The following MYRF variants were observed in gnomAD, a reference collection of about 807,000 sequenced individuals.
MYRF encodes the protein myelin regulatory factor, also known as myelin gene regulatory factor.
Under a neutral mutation model 126.3 loss-of-function variants are expected in MYRF, and 16 were observed. That is an observed-to-expected ratio of 0.13 (90% confidence interval 0.09 to 0.19). MYRF has a LOEUF of 0.19. Among genes scored for constraint, MYRF ranks in the 10% least tolerant of loss-of-function variants. MYRF has a pLI of 1.00. For missense variants in MYRF, 1,104 were observed against 1,547.0 expected (o/e 0.71, Z 4.80); for synonymous variants, 608 against 635.3 (o/e 0.96, Z 0.65).
In MYRF at chr11:61,779,433, C is replaced by T. The variant is rs377452062; in HGVS notation, c.2174+10C>T. The T allele has an allele frequency of 1.5e-5, 23 of 1,550,442 alleles. No individual in the cohort carries two copies. Among genetic ancestry groups the T allele is most frequent in the Admixed American group, 9.8e-5 (5 of 50,916 alleles). On this transcript the variant is annotated intron_variant, in intron 15 of 26. Coordinates refer to ENST00000278836, the MANE Select transcript of MYRF (RefSeq NM_001127392.3). ...GCTCGGGCGCCTTCAGGTAGGGGTGCGGGGTGGGGGAAGGTGAGACCCTTC... is the reference window on the plus strand; with the variant it reads ...GCTCGGGCGCCTTCAGGTAGGGGTGTGGGGTGGGGGAAGGTGAGACCCTTC...
At chr11:61,780,568 G>C in intron 18 of MYRF, 144 bp from the exon 19 acceptor site, 1 of 835,286 alleles carries the variant, frequency 1.2e-6, no homozygotes, top group Non-Finnish European at 1.9e-6. Context: ...GTTGGAACAT[G>C]GGGTAGGAGG....
intron 3 of MYRF, chr11:61,767,067 A>T (rs1367479025): frequency 8.8e-6 from 4 of 456,614 alleles, no homozygotes; most frequent in Non-Finnish European, 1.3e-5. Context: ...CGTGGGAAGC[A>T]ACAAGGGCAC....
In MYRF at chr11:61,770,235, C is replaced by A; in HGVS notation, c.461-11C>A. ...TGGTCTCAGATGCCCGCTCCCCCAT[C>A]TCTCCTGCAGAGCCCCACCTCCTGC... is the stretch of plus-strand genomic sequence containing the variant. On this transcript the variant is annotated splice_polypyrimidine_tract_variant and intron_variant, in intron 4 of 26. Transcript: ENST00000278836. The A allele has an allele frequency of 1.3e-6, 2 of 1,590,742 alleles. No homozygotes were observed. The highest frequency in any genetic ancestry group is 1.7e-6 in the Non-Finnish European group (2 of 1,169,206).
Position 61,777,444 on chromosome 11 carries a change from G to T in MYRF, c.1771G>T (p.Ala591Ser). The T allele has an allele frequency of 1.2e-6, 2 of 1,611,892 alleles. No homozygotes were observed. The highest frequency in any genetic ancestry group is 2.2e-5 in the South Asian group (2 of 90,852). ...GCTTATGCACCCCTCCGACCTGCGC[G>T]CCAAGGAACACGTGCAGGAGGTGGG... ...GSLMHPSDLR[A>S]KEHVQEVDTT... The change falls in exon 12 of 27, where the codon GCC (alanine) becomes TCC (serine). Residue 591 changes from alanine (A) to serine (S), a missense_variant. Transcript: ENST00000278836. The surrounding 1 kb of genome is among the most constrained non-coding windows in gnomAD (Gnocchi z 8.8).
In MYRF at chr11:61,770,544, G is replaced by T; in HGVS notation, c.740+19G>T. The T allele has an allele frequency of 1.3e-6, 2 of 1,536,404 alleles. No homozygotes were observed. Among genetic ancestry groups the T allele is most frequent in the Non-Finnish European group, 1.8e-6 (2 of 1,137,918 alleles). On this transcript the variant is annotated intron_variant, in intron 5 of 26. Transcript: ENST00000278836. ...GAGCTGAGTAAGACGTGGGTGGCTG[G>T]CTCCATGGGGTGGGAAGGTGGGGTA...
rs190339585 is a variant in MYRF at position 61,773,925 on chromosome 11, G to A, written c.1116-42G>A. Reference sequence around the variant, plus strand: ...TAGGAGGAACCGATGTTCCAGGCCCGGCTCTGGGGCCTCAGGGGAGTGCCC... The same window carrying A: ...TAGGAGGAACCGATGTTCCAGGCCCAGCTCTGGGGCCTCAGGGGAGTGCCC... On this transcript the variant is annotated intron_variant, in intron 7 of 26. Transcript: ENST00000278836. 3.8e-4 allele frequency: 591 copies of A among 1,544,814 alleles called. 1 individual carries two copies. In the African/African-American group the frequency reaches 4.9e-3, roughly 13 times the overall value.
In MYRF at chr11:61,778,455, G is replaced by A; in HGVS notation, c.1979G>A (p.Gly660Glu). The A allele has an allele frequency of 6.2e-7, 1 of 1,614,066 alleles. No individual in the cohort carries two copies. Among genetic ancestry groups the A allele is most frequent in the Non-Finnish European group, 8.5e-7 (1 of 1,179,948 alleles). ...KDTGDMVFAN[G>E]KTIENFLVVN... ...ACCGGAGACATGGTCTTTGCCAATG[G>A]GAAAACCATAGAGAACTTCCTGGTG... Residue 660 changes from glycine (G) to glutamate (E), a missense_variant, in exon 14 of 27, where the codon GGG (glycine) becomes GAG (glutamate). Physicochemically the swap from Gly to Glu is moderately conservative, Grantham distance 98. Around this residue, in one of 10 missense-constraint regions of MYRF, gnomAD observed 123 missense variants for 209.1 expected, o/e 0.59. Coordinates refer to ENST00000278836, the MANE Select transcript of MYRF (RefSeq NM_001127392.3). The surrounding 1 kb of genome is among the most constrained non-coding windows in gnomAD (Gnocchi z 4.6).
chr11:61,780,987 G>A lies in MYRF; in HGVS notation c.2514G>A (p.Gln838=). 6.2e-7 allele frequency: 1 copy of A among 1,610,122 alleles called. No homozygotes were observed. Among genetic ancestry groups the A allele is most frequent in the Non-Finnish European group, 8.5e-7 (1 of 1,179,996 alleles). ...CCAGCCAGAGCTTTGGGACCACGCA[G>A]CTCCGACAGTCCCCCTTGACCACGG... The part of the protein sequence containing the change: ...PWSSQSFGTT[Q]LRQSPLTTGL... The change falls in exon 20 of 27, where the codon CAG becomes CAA. Residue 838 remains glutamine (Q), a synonymous_variant. Transcript: ENST00000278836.
In MYRF at chr11:61,783,536, A is replaced by G; in HGVS notation, c.3055A>G (p.Ile1019Val). 1 of 1,613,848 alleles carries G rather than the reference A, an allele frequency of 6.2e-7. No individual in the cohort carries two copies. Among genetic ancestry groups the G allele is most frequent in the Non-Finnish European group, 8.5e-7 (1 of 1,179,980 alleles). The change falls in exon 23 of 27, where the codon ATC (isoleucine) becomes GTC (valine). Residue 1019 changes from isoleucine (I) to valine (V), a missense_variant. Transcript: ENST00000278836. The surrounding 1 kb of genome is among the most constrained non-coding windows in gnomAD (Gnocchi z 4.6). ...LAEPVPSLTS[I>V]QVLENSMSIT... ...AGAGCCAGTGCCCTCCCTGACCTCC[A>G]TCCAGGTGCTGGAGAATTCGATGTC... is the stretch of plus-strand genomic sequence containing the variant.
Position 61,779,430 on chromosome 11 carries a change from G to T in MYRF, c.2174+7G>T, listed in dbSNP as rs1236660097. ...GCAGCTCGGGCGCCTTCAGGTAGGG[G>T]TGCGGGGTGGGGGAAGGTGAGACCC... is the stretch of plus-strand genomic sequence containing the variant. On this transcript the variant is annotated splice_region_variant and intron_variant, in intron 15 of 26. Transcript: ENST00000278836. 6.4e-7 allele frequency: 1 copy of T among 1,551,068 alleles called. No individual in the cohort carries two copies. The highest frequency in any genetic ancestry group is 2.0e-5 in the Admixed American group (1 of 50,978).
In MYRF at chr11:61,770,507, T is replaced by C; in HGVS notation, c.722T>C (p.Leu241Pro). Reference protein sequence around the residue: ...TQQSQMLHQLLQQHGAELPTH... With the variant: ...TQQSQMLHQLPQQHGAELPTH... ...CAGTCCCAGATGCTGCACCAGCTCC[T>C]GCAGCAGCACGGAGCTGAGTAAGAC... Residue 241 changes from leucine to proline, a missense_variant, in exon 5 of 27, where the codon CTG becomes CCG. Leu to Pro is a moderately conservative substitution (Grantham distance 98, BLOSUM62 -3). This residue lies in a region of MYRF where 368 missense variants were observed against 403.9 expected (regional missense o/e 0.91). Coordinates refer to ENST00000278836, the MANE Select transcript of MYRF (RefSeq NM_001127392.3). The C allele has an allele frequency of 6.4e-7, 1 of 1,564,550 alleles. No individual in the cohort carries two copies. Among genetic ancestry groups the C allele is most frequent in the Non-Finnish European group, 8.7e-7 (1 of 1,154,286 alleles).
chr11:61,765,939 C>T lies in MYRF; in HGVS notation c.135-19C>T. ...GGCTGGGGTCCTGGCTGGAGCTGAG[C>T]CGCCCCCCTTCCCCGCAGCTGCTTC... On this transcript the variant is annotated intron_variant, in intron 2 of 26. Transcript: ENST00000278836. 6.7e-7 allele frequency: 1 copy of T among 1,482,998 alleles called. No individual in the cohort carries two copies. Among genetic ancestry groups the T allele is most frequent in the Admixed American group, 2.4e-5 (1 of 41,714 alleles). 91.9% of individuals were successfully genotyped at this position (1,482,998 alleles called of 1,614,324 possible). A position where few individuals can be genotyped will look rare whatever the true frequency, so the allele number is the denominator to read the frequency against.
In MYRF at chr11:61,776,445, G is replaced by A; in HGVS notation, c.1499+13G>A. 1 of 1,605,998 alleles carries A rather than the reference G, an allele frequency of 6.2e-7. No individual in the cohort carries two copies. Among genetic ancestry groups the A allele is most frequent in the Non-Finnish European group, 8.5e-7 (1 of 1,175,588 alleles). On this transcript the variant is annotated intron_variant, in intron 10 of 26. Coordinates refer to ENST00000278836, the MANE Select transcript of MYRF (RefSeq NM_001127392.3). This position sits in a 1 kb window ranked among gnomAD's most constrained non-coding sequence, Gnocchi z 4.3. Reference sequence around the variant, plus strand: ...ACCCGGACCAGAGGTGAGCAGGTGGGGGCCCTGCCCCGGAGCCCCTCCATT... The same window carrying A: ...ACCCGGACCAGAGGTGAGCAGGTGGAGGCCCTGCCCCGGAGCCCCTCCATT...
Position 61,752,790 on chromosome 11 carries a change from G to T in MYRF, c.46G>T (p.Gly16Cys). 6.7e-7 allele frequency: 1 copy of T among 1,488,192 alleles called. No homozygotes were observed. 92.2% of individuals were successfully genotyped at this position (1,488,192 alleles called of 1,614,324 possible). Residue 16 changes from glycine to cysteine, a missense_variant and splice_region_variant, in exon 1 of 27, where the codon GGC becomes TGC. Transcript: ENST00000278836. ...GGAGGCGCTGCAGCGCTTCTTCGAA[G>T]GTGAGAGACCGCGGGCTGGCGGCGG... Reference protein sequence around the residue: ...ETEALQRFFEGHDINGALEPS... With the variant: ...ETEALQRFFECHDINGALEPS...
At chr11:61,779,476 G>A in intron 15 of MYRF, 22 bp from the exon 16 acceptor site, 2 of 1,535,754 alleles carry the variant, frequency 1.3e-6, no homozygotes, top group Non-Finnish European at 1.8e-6. Flanking sequence ...GGACACCCCT[G>A]ATCCTGGCCC....
chr11:61,762,791 C>G (rs969236464), intron 1 of MYRF, among the ~76,000 whole-genome samples: 4 of 152,168 alleles, frequency 2.6e-5, no homozygotes, highest in African/African-American at 9.7e-5. Flanking sequence ...CTCCGAGCCC[C>G]CAACCCTCAA....
At position 61,752,695 on chromosome 11, in the gene MYRF, G is replaced by C; in HGVS notation, c.-50G>C. ...CGCGCCGGCGATGCCGCGCCCCCGG[G>C]CCGGGCTGTAGCGGGGCCGCGGCTG... On this transcript the variant is annotated 5_prime_UTR_variant, in exon 1 of 27. Transcript: ENST00000278836. 1 of 1,282,514 alleles carries C rather than the reference G, an allele frequency of 7.8e-7. No individual in the cohort carries two copies. The highest frequency in any genetic ancestry group is 9.8e-7 in the Non-Finnish European group (1 of 1,015,606). The allele number at this position is 1,282,514 out of a possible 1,614,324, so 79.4% of individuals were successfully genotyped here.
At position 61,755,199 on chromosome 11, in the gene MYRF, C is replaced by A. The variant is rs552006099; in HGVS notation, c.46+2409C>A. The stretch of plus-strand genomic sequence containing the variant: ...GCGCCCCCTCACCTGACGTGGTCCC[C>A]CTCCCTGGGCACACACCAAGCATAG... On this transcript the variant is annotated intron_variant, in intron 1 of 26. Transcript: ENST00000278836. Among the ~76,000 whole-genome samples, 5 of 152,302 alleles carry A rather than the reference C, an allele frequency of 3.3e-5. No individual in the cohort carries two copies. The East Asian group carries it at 9.7e-4, about 29-fold the overall frequency.
intron 1 of MYRF, among the ~76,000 whole-genome samples, chr11:61,753,119 C>T (rs1057175272): frequency 6.6e-6 from 1 of 151,990 alleles, no homozygotes; most frequent in African/African-American, 2.4e-5. Context: ...GCAAACTTCC[C>T]GAGTCTGGGG....
Sources: allele counts gnomAD v4.1 joint callset (sites outside exome capture counted in the v4.1 genomes callset), GRCh38; gene constraint gnomAD v4.1.1; regional missense constraint gnomAD v4.1.1; non-coding constraint Gnocchi (gnomAD v3.1); transcripts MANE v1.5; gene names NCBI Gene and HGNC (gene_info 2026-07-23, HGNC 2026-07-21).